Variants in TOX3 observed in about 807,000 individuals in gnomAD.
The protein encoded by TOX3 is TOX high mobility group box family member 3.
A neutral mutation model predicts 64.3 loss-of-function variants in TOX3; 22 were observed. That is an observed-to-expected ratio of 0.34 (90% CI 0.24 to 0.49). The LOEUF (loss-of-function observed/expected upper bound fraction) is 0.49. Among genes scored for constraint, TOX3 ranks in the 20% least tolerant of loss-of-function variants. TOX3 has a pLI of 0.99. For missense variants in TOX3, 661 were observed against 714.4 expected (o/e 0.93, Z 0.85); for synonymous variants, 291 against 273.6 (o/e 1.06, Z -0.63).
Position 52,483,809 on chromosome 16 carries a change from C to T in TOX3, c.88-15235G>A, listed in dbSNP as rs569551568. Reference sequence around the variant, plus strand: ...GTCTCAAACTCCTGACCTCAGTGATCCTCCCACCTCAGCCTCCCGAAGTGC... The same window carrying T: ...GTCTCAAACTCCTGACCTCAGTGATTCTCCCACCTCAGCCTCCCGAAGTGC... On this transcript the variant is annotated intron_variant, in intron 1 of 6. Transcript: ENST00000219746. 3.4e-3 allele frequency among the ~76,000 whole-genome samples: 515 copies of T among 151,668 alleles called. 1 individual carries two copies. The highest frequency in any genetic ancestry group is 4.2e-3 in the Non-Finnish European group (287 of 67,914).
At position 52,547,081 on chromosome 16, in the gene TOX3, C is replaced by T. The variant is rs1420389973; in HGVS notation, c.-358G>A. The stretch of plus-strand genomic sequence containing the variant: ...GGCGAGGCTGGGACGGCGGCGGCGG[C>T]GGCGGCTGGCCCCGCTCCTCCTCCT... On this transcript the variant is annotated 5_prime_UTR_variant, in exon 1 of 7. Coordinates refer to ENST00000219746, the MANE Select transcript of TOX3 (RefSeq NM_001080430.4). 1.2e-5 allele frequency: 5 copies of T among 422,288 alleles called. No individual in the cohort carries two copies. The highest frequency in any genetic ancestry group is 1.3e-4 in the Admixed American group (2 of 15,042). The allele number at this position is 422,288 out of a possible 1,614,324, so 26.2% of individuals were successfully genotyped here. A position where few individuals can be genotyped will look rare whatever the true frequency, so the allele number is the denominator to read the frequency against.
intron 6 of TOX3, among the ~76,000 whole-genome samples, chr16:52,441,111 TCA>T: frequency 6.6e-6 from 1 of 152,242 alleles, no homozygotes; most frequent in South Asian, 2.1e-4. Flanking sequence ...TTAAATGAAC[TCA>T]CATGTTAAGC....
At chr16:52,489,942 G>C (rs1337018368) in intron 1 of TOX3, among the ~76,000 whole-genome samples, 1 of 152,108 alleles carries the variant, frequency 6.6e-6, no homozygotes, top group Admixed American at 6.6e-5. Context: ...CCAATCTTCA[G>C]ATGCCAATTT....
intron 4 of TOX3, among the ~76,000 whole-genome samples, chr16:52,449,232 G>A (rs1960260028): frequency 6.6e-6 from 1 of 152,060 alleles, no homozygotes; most frequent in African/African-American, 2.4e-5. Context: ...TAATTAATCA[G>A]CTCTCAGCTA....
chr16:52,500,405 C>T (rs1277942886), intron 1 of TOX3, among the ~76,000 whole-genome samples: 5 of 152,142 alleles, frequency 3.3e-5, no homozygotes, highest in African/African-American at 7.2e-5. Flanking sequence ...ACCAGTTAAT[C>T]GGCATTCGAT....
Position 52,546,907 on chromosome 16 carries a change from C to G in TOX3, c.-184G>C. ...GAGCCGCGGCCGCCGCACACAAAGG[C>G]GCGGCCACGCGAGCCGCGGGAGAGC... On this transcript the variant is annotated 5_prime_UTR_variant, in exon 1 of 7. Transcript: ENST00000219746. The G allele has an allele frequency of 1.8e-6, 2 of 1,101,580 alleles. No homozygotes were observed. The highest frequency in any genetic ancestry group is 1.1e-6 in the Non-Finnish European group (1 of 905,516). 68.2% of individuals were successfully genotyped at this position (1,101,580 alleles called of 1,614,324 possible).
chr16:52,452,560 A>G (rs910067082), intron 3 of TOX3, among the ~76,000 whole-genome samples: 23 of 152,078 alleles, frequency 1.5e-4, no homozygotes, highest in South Asian at 6.2e-4. Flanking sequence ...GGATAGCATT[A>G]GGAGATATAC....
At chr16:52,481,733 C>A in intron 1 of TOX3, among the ~76,000 whole-genome samples, 1 of 152,326 alleles carries the variant, frequency 6.6e-6, no homozygotes, top group Non-Finnish European at 1.5e-5. Context: ...TGGCAGAGAG[C>A]TTTTGCTCAC....
intron 6 of TOX3, among the ~76,000 whole-genome samples, chr16:52,440,652 C>T (rs1008351066): frequency 2.0e-5 from 3 of 151,470 alleles, no homozygotes. Context: ...AAATGCAGTT[C>T]TCTGACTTAA....
intron 1 of TOX3, among the ~76,000 whole-genome samples, chr16:52,539,932 C>A (rs1567357501): frequency 6.6e-6 from 1 of 152,134 alleles, no homozygotes; most frequent in Non-Finnish European, 1.5e-5. Flanking sequence ...ATTCACATCT[C>A]CTTGATTCAA....
chr16:52,471,034 C>A (rs192128785), intron 1 of TOX3, among the ~76,000 whole-genome samples: 1 of 152,130 alleles, frequency 6.6e-6, no homozygotes, highest in Non-Finnish European at 1.5e-5. Flanking sequence ...TACCTGGGAC[C>A]CTAGTTCAGT....
intron 1 of TOX3, among the ~76,000 whole-genome samples, chr16:52,489,851 C>T (rs1313989061): frequency 6.6e-6 from 1 of 152,056 alleles, no homozygotes; most frequent in Non-Finnish European, 1.5e-5. Flanking sequence ...TTATCCTCCA[C>T]ATGTGGTCAT....
At chr16:52,460,460 A>G (rs145893822) in intron 3 of TOX3, among the ~76,000 whole-genome samples, 13 of 152,334 alleles carry the variant, frequency 8.5e-5, no homozygotes, top group South Asian at 2.1e-4. Flanking sequence ...GCTGAAAAGA[A>G]TGTTAACAAG....
intron 1 of TOX3, among the ~76,000 whole-genome samples, chr16:52,487,244 A>G (rs1961556692): frequency 6.6e-6 from 1 of 151,884 alleles, no homozygotes; most frequent in Admixed American, 6.6e-5. Flanking sequence ...CATGGCGCCA[A>G]GCTCACCCCC....
rs570947763 is a variant in TOX3 at position 52,449,272 on chromosome 16, C to T, written c.678+1005G>A. 1.1e-4 allele frequency among the ~76,000 whole-genome samples: 17 copies of T among 152,286 alleles called. No individual in the cohort carries two copies. The East Asian group carries it at 1.2e-3, about 10-fold the overall frequency. ...CAGAAGAAAGACCACCACATTTAAGCCATTTCGTTCTTCAACTTCTATTTC... is the reference window on the plus strand; with the variant it reads ...CAGAAGAAAGACCACCACATTTAAGTCATTTCGTTCTTCAACTTCTATTTC... On this transcript the variant is annotated intron_variant, in intron 4 of 6. Transcript: ENST00000219746.
At chr16:52,458,552 A>G (rs981920268) in intron 3 of TOX3, among the ~76,000 whole-genome samples, 3 of 152,248 alleles carry the variant, frequency 2.0e-5, no homozygotes, top group African/African-American at 7.2e-5. Context: ...AAGAAGATAC[A>G]GGGAAATAAA....
chr16:52,504,192 C>T (rs944379454), intron 1 of TOX3, among the ~76,000 whole-genome samples: 1 of 151,958 alleles, frequency 6.6e-6, no homozygotes, highest in East Asian at 1.9e-4. Flanking sequence ...AAAGGCCAGG[C>T]GCGGTGGCTC....
Position 52,519,498 on chromosome 16 carries a change from A to G in TOX3, c.87+27139T>C, listed in dbSNP as rs1047278451. 28 of 1,550,752 alleles carry G rather than the reference A, an allele frequency of 1.8e-5. No individual in the cohort carries two copies. In the African/African-American group the frequency reaches 3.0e-4, roughly 17 times the overall value. Reference sequence around the variant, plus strand: ...CACTTCATCCTCCACTACATCTTCTATGAGTATCTAAATCCTCTCTACCCT... The same window carrying G: ...CACTTCATCCTCCACTACATCTTCTGTGAGTATCTAAATCCTCTCTACCCT... On this transcript the variant is annotated intron_variant, in intron 1 of 6. Transcript: ENST00000219746.
chr16:52,491,254 G>A (rs1271814787), intron 1 of TOX3, among the ~76,000 whole-genome samples: 1 of 151,680 alleles, frequency 6.6e-6, no homozygotes, highest in Non-Finnish European at 1.5e-5. Flanking sequence ...TTCATAGAAG[G>A]ATCCTTTTCT....
Sources: gnomAD v4.1 joint callset for allele counts (sites outside exome capture counted in the v4.1 genomes callset) on GRCh38, gnomAD v4.1.1 for gene constraint, MANE v1.5 for transcripts, NCBI Gene and HGNC (gene_info 2026-07-23, HGNC 2026-07-21) for gene names.